Variants in MSI2 observed in about 807,000 individuals in gnomAD.
MSI2 encodes RNA-binding protein Musashi homolog 2.
Under a neutral mutation model 45.6 loss-of-function variants are expected in MSI2, and 17 were observed. That is an observed-to-expected ratio of 0.37 (90% confidence interval 0.26 to 0.56). The LOEUF (loss-of-function observed/expected upper bound fraction) is 0.56, where lower values mean the gene tolerates loss of function less well. Ranked by LOEUF, MSI2 falls within the 20% of genes least tolerant of loss-of-function variation. The pLI is 0.77. For synonymous variants in MSI2, 156 were observed against 158.2 expected (o/e 0.99, Z 0.11); for missense variants, 293 against 444.2 (o/e 0.66, Z 3.06).
In MSI2 at chr17:57,652,013, GGGGGTTGTGT is replaced by G; in HGVS notation, c.728-83_728-74del. ...CACTCCTGTCTTTGTGTGGAGGGCGGGGGGTTGTGTGGCCCGTGACCTAGGTCTGTGCCTG... is the reference window on the plus strand; with the variant it reads ...CACTCCTGTCTTTGTGTGGAGGGCGGGGCCCGTGACCTAGGTCTGTGCCTG... On this transcript the variant is annotated intron_variant, in intron 10 of 13. Coordinates refer to ENST00000284073, the MANE Select transcript of MSI2 (RefSeq NM_138962.4). This position sits in a 1 kb window ranked among gnomAD's most constrained non-coding sequence, Gnocchi z 4.1. 1 of 1,241,298 alleles carries G rather than the reference GGGGGTTGTGT, an allele frequency of 8.1e-7. No individual in the cohort carries two copies. The highest frequency in any genetic ancestry group is 1.2e-5 in the South Asian group (1 of 82,558). 76.9% of individuals were successfully genotyped at this position (1,241,298 alleles called of 1,614,324 possible).
chr17:57,616,138 T>C (rs1907666363), intron 9 of MSI2, 54 bp downstream of exon 9: 12 of 1,429,710 alleles, frequency 8.4e-6, no homozygotes, highest in South Asian at 1.2e-5. Context: ...TATGGAGGCC[T>C]CTACTCCCAA....
intron 5 of MSI2, among the ~76,000 whole-genome samples, chr17:57,287,128 G>GTT (rs146627218): frequency 0.012 from 1,744 of 147,346 alleles, 25 homozygotes; most frequent in Middle Eastern, 0.057. Flanking sequence ...GTCTCAAAAA[G>GTT]TTGTTTTTTT....
chr17:57,545,974 A>G (rs2087157267), intron 7 of MSI2, among the ~76,000 whole-genome samples: 1 of 152,124 alleles, frequency 6.6e-6, no homozygotes, highest in Non-Finnish European at 1.5e-5. Context: ...AGGGTGAGGC[A>G]GCAGAGGGGA....
rs1306874984 is a variant in MSI2, at chr17:57,552,382, C to G, written c.454+22658C>G. Among the ~76,000 whole-genome samples, 1 of 152,078 alleles carries G rather than the reference C, an allele frequency of 6.6e-6. No individual in the cohort carries two copies. Among genetic ancestry groups the G allele is most frequent in the Admixed American group, 6.6e-5 (1 of 15,262 alleles). Reference sequence around the variant, plus strand: ...TGATTATGGAGACCAGCCAGCACCCCCCAACCCAGCCCCCCACTCACTGCC... The same window carrying G: ...TGATTATGGAGACCAGCCAGCACCCGCCAACCCAGCCCCCCACTCACTGCC... On this transcript the variant is annotated intron_variant, in intron 7 of 13. Coordinates refer to ENST00000284073, the MANE Select transcript of MSI2 (RefSeq NM_138962.4). The surrounding 1 kb of genome is among the most constrained non-coding windows in gnomAD (Gnocchi z 4.3).
At position 57,446,367 on chromosome 17, in the gene MSI2, T is replaced by C. The variant is rs548112535; in HGVS notation, c.405+44896T>C. On this transcript the variant is annotated intron_variant, in intron 6 of 13. Transcript: ENST00000284073. ...TTAGCGAGGTGGCAGGACCAGATCA[T>C]GGGGCTCTGCCAGGGGATGGTCGGA... Among the ~76,000 whole-genome samples, 24 of 152,216 alleles carry C rather than the reference T, an allele frequency of 1.6e-4. No homozygotes were observed. In the South Asian group the frequency reaches 5.0e-3, roughly 32 times the overall value.
chr17:57,338,435 T>C (rs792405), intron 5 of MSI2, among the ~76,000 whole-genome samples: 146,939 of 152,334 alleles, frequency 0.96, 70,933 homozygotes, highest in Middle Eastern at 0.98. Context: ...CGCCCAAGGC[T>C]GGCGTGCAAT....
chr17:57,669,614 A>C (rs1912632026), intron 11 of MSI2, among the ~76,000 whole-genome samples: 1 of 152,162 alleles, frequency 6.6e-6, no homozygotes, highest in African/African-American at 2.4e-5. Context: ...AGTTTCTTTA[A>C]ATTTCTCTGA....
At chr17:57,692,252 A>T in the MSI2 span, among the ~76,000 whole-genome samples, 4 of 152,124 alleles carry the variant, frequency 2.6e-5, no homozygotes, top group Admixed American at 6.6e-5. Context: ...TCTGTTTGCT[A>T]ATATGTTCTT....
chr17:57,395,523 C>T (rs1280035509), intron 5 of MSI2, among the ~76,000 whole-genome samples: 3 of 151,800 alleles, frequency 2.0e-5, no homozygotes, highest in Non-Finnish European at 4.4e-5. Context: ...TTGGTGGTGG[C>T]AAGAATGGTA....
At chr17:57,621,557 G>C (rs1423333006) in intron 9 of MSI2, among the ~76,000 whole-genome samples, 1 of 152,228 alleles carries the variant, frequency 6.6e-6, no homozygotes, top group Non-Finnish European at 1.5e-5. Context: ...CTAGTGAGGA[G>C]TCTGAGACAA....
intron 6 of MSI2, among the ~76,000 whole-genome samples, chr17:57,440,037 CTGTT>C (rs1268160212): frequency 6.6e-6 from 1 of 152,152 alleles, no homozygotes; most frequent in African/African-American, 2.4e-5. Context: ...TCTATCTCCA[CTGTT>C]TGGTCTCCCC....
intron 13 of MSI2, among the ~76,000 whole-genome samples, chr17:57,679,135 TTG>T (rs977703697): frequency 2.6e-5 from 4 of 152,156 alleles, no homozygotes; most frequent in African/African-American, 9.6e-5. Context: ...GGGGTTTTTT[TTG>T]TTTGTTTGTT....
intron 6 of MSI2, among the ~76,000 whole-genome samples, chr17:57,526,356 G>GGTGTGTGTGT (rs71143203): frequency 0.026 from 3,173 of 122,132 alleles, 72 homozygotes; most frequent in Admixed American, 0.037. Flanking sequence ...GATATACCTG[G>GGTGTGTGTGT]GTGTGTGTGT....
chr17:57,482,951 G>T (rs150883513), intron 6 of MSI2, among the ~76,000 whole-genome samples: 1 of 152,174 alleles, frequency 6.6e-6, no homozygotes, highest in Non-Finnish European at 1.5e-5. Flanking sequence ...CTGAGAGTCC[G>T]GCTGTGTGTG....
chr17:57,458,997 T>A (rs1311415012), intron 6 of MSI2, among the ~76,000 whole-genome samples: 2 of 152,256 alleles, frequency 1.3e-5, no homozygotes, highest in Non-Finnish European at 2.9e-5. Context: ...GTTGTTTTGC[T>A]GCGTCGCTCG....
intron 7 of MSI2, among the ~76,000 whole-genome samples, chr17:57,541,734 T>G (rs1278853769): frequency 1.3e-5 from 2 of 152,210 alleles, no homozygotes; most frequent in Non-Finnish European, 2.9e-5. Flanking sequence ...AATCCCCTGG[T>G]TTGGTTGGCA....
intron 6 of MSI2, among the ~76,000 whole-genome samples, chr17:57,418,107 C>T (rs1463964629): frequency 6.6e-6 from 1 of 152,204 alleles, no homozygotes; most frequent in African/African-American, 2.4e-5. Flanking sequence ...CTCGGTTCTG[C>T]TGTTGTAGCA....
At position 57,502,849 on chromosome 17, in the gene MSI2, C is replaced by T. The variant is rs574125214; in HGVS notation, c.406-26827C>T. On this transcript the variant is annotated intron_variant, in intron 6 of 13. Transcript: ENST00000284073. ...ACCTTACAGCCCACCCTCCATGGCC[C>T]CCAAGTGGTCTTGGGAGCAGATGCA... Among the ~76,000 whole-genome samples, 46 of 151,956 alleles carry T rather than the reference C, an allele frequency of 3.0e-4. 1 individual carries two copies. The highest frequency in any genetic ancestry group is 9.2e-4 in the African/African-American group (38 of 41,472).
At chr17:57,385,316 C>A (rs901937515) in intron 5 of MSI2, among the ~76,000 whole-genome samples, 3 of 152,200 alleles carry the variant, frequency 2.0e-5, no homozygotes, top group African/African-American at 4.8e-5. Flanking sequence ...ATCCTCATCT[C>A]CCCTCAGACC....
Sources: allele counts gnomAD v4.1 joint callset (sites outside exome capture counted in the v4.1 genomes callset), GRCh38; gene constraint gnomAD v4.1.1; non-coding constraint Gnocchi (gnomAD v3.1); transcripts MANE v1.5; gene names NCBI Gene and HGNC (gene_info 2026-07-23, HGNC 2026-07-21).